The following TCF4 variants were observed in gnomAD, a reference collection of about 807,000 sequenced individuals.
TCF4 encodes SL3-3 enhancer factor 2.
Under a neutral mutation model 82.1 loss-of-function variants are expected in TCF4, and 3 were observed. The ratio of observed to expected loss-of-function variants is 0.04; its 90% CI spans 0.02 to 0.09. The LOEUF is 0.09. Among genes scored for constraint, TCF4 ranks in the 10% least tolerant of loss-of-function variants. The pLI, the probability that TCF4 is intolerant of heterozygous loss-of-function variation, is 1.00. For missense variants in TCF4, 518 were observed against 852.7 expected (o/e 0.61, Z 4.89); for synonymous variants, 276 against 309.6 (o/e 0.89, Z 1.14).
chr18:55,302,096 C>A (rs1024764801), intron 8 of TCF4, among the ~76,000 whole-genome samples: 7 of 152,228 alleles, frequency 4.6e-5, no homozygotes, highest in Non-Finnish European at 7.3e-5. Flanking sequence ...TGATCCTCAG[C>A]AGTCCTCTAT....
chr18:55,553,324 A>G (rs2097276138), intron 3 of TCF4: 1 of 152,182 alleles, frequency 6.6e-6, no homozygotes, highest in African/African-American at 2.4e-5. Flanking sequence ...ACTTGACAGA[A>G]AAGAAGGCAA....
At chr18:55,624,429 C>G (rs1225915877) in intron 2 of TCF4, among the ~76,000 whole-genome samples, 1 of 152,082 alleles carries the variant, frequency 6.6e-6, no homozygotes, top group Non-Finnish European at 1.5e-5. Flanking sequence ...TTCAAGTGTT[C>G]TGGAAGAGTA....
intron 8 of TCF4, among the ~76,000 whole-genome samples, chr18:55,332,666 T>C (rs1438503797): frequency 6.6e-6 from 1 of 152,238 alleles, no homozygotes; most frequent in Non-Finnish European, 1.5e-5. Flanking sequence ...TGGCCATTGC[T>C]GTCCACCTTC....
At chr18:55,510,781 A>C in intron 3 of TCF4, 1 of 1,243,246 alleles carries the variant, frequency 8.0e-7, no homozygotes, top group Non-Finnish European at 1.0e-6. Context: ...ATGACCGTAG[A>C]TTTTAATTTA....
At chr18:55,443,567 A>C (rs1422903053) in intron 5 of TCF4, among the ~76,000 whole-genome samples, 3 of 152,184 alleles carry the variant, frequency 2.0e-5, no homozygotes, top group Non-Finnish European at 4.4e-5. Context: ...TCTTTTCTCA[A>C]GAGACCCAAC....
chr18:55,300,124 A>AC (rs1033001868), intron 8 of TCF4, among the ~76,000 whole-genome samples: 28 of 149,808 alleles, frequency 1.9e-4, no homozygotes, highest in South Asian at 6.4e-4. Flanking sequence ...ACACACACAC[A>AC]CCCCACATTA....
At chr18:55,540,911 T>C (rs2097159871) in intron 3 of TCF4, among the ~76,000 whole-genome samples, 1 of 152,064 alleles carries the variant, frequency 6.6e-6, no homozygotes, top group South Asian at 2.1e-4. Flanking sequence ...CAAATTATTT[T>C]ATTTTAGAGA....
At chr18:55,260,048 A>G in intron 12 of TCF4, 21 bp from the exon 13 acceptor site, 1 of 1,547,588 alleles carries the variant, frequency 6.5e-7, no homozygotes, top group Non-Finnish European at 8.9e-7. Flanking sequence ...TAAGGAGAAA[A>G]AAAAAACACC....
intron 5 of TCF4, among the ~76,000 whole-genome samples, chr18:55,418,657 T>C (rs990421532): frequency 6.6e-6 from 1 of 152,194 alleles, no homozygotes; most frequent in Admixed American, 6.5e-5. Flanking sequence ...TGGTGGTTAA[T>C]TTATTTGCCT....
At chr18:55,401,082 C>CT (rs1230313364) in intron 6 of TCF4, 115 of 1,288,944 alleles carry the variant, frequency 8.9e-5, no homozygotes, top group Non-Finnish European at 1.1e-4. Flanking sequence ...TTGCCTTTCT[C>CT]TTTGGTTTGC....
chr18:55,399,831 CTCTCTCTCTCTCTCTCTCCCCA>C (rs962676792), intron 6 of TCF4, among the ~76,000 whole-genome samples: 1 of 147,000 alleles, frequency 6.8e-6, no homozygotes, highest in African/African-American at 2.5e-5. Flanking sequence ...AGCTTTCTTT[CTCTCTCTCTCTCTCTCTCCCCA>C]TCTCTCTCTC....
chr18:55,322,007 A>G (rs1381257355), intron 8 of TCF4: 5 of 1,215,916 alleles, frequency 4.1e-6, no homozygotes, highest in African/African-American at 3.1e-5. Flanking sequence ...GATCGATTCA[A>G]CTTTTCCGAG....
At chr18:55,350,843 C>T in intron 7 of TCF4, 31 bp downstream of exon 7, 2 of 1,612,618 alleles carry the variant, frequency 1.2e-6, no homozygotes, top group Non-Finnish European at 1.7e-6. Flanking sequence ...CATAATCATC[C>T]CTCAGGCATT....
chr18:55,391,697 C>T (rs9947144), intron 6 of TCF4, among the ~76,000 whole-genome samples: 1 of 151,736 alleles, frequency 6.6e-6, no homozygotes, highest in Non-Finnish European at 1.5e-5. Flanking sequence ...CTTTGGGAGG[C>T]CGAGGTGGGC....
intron 3 of TCF4, among the ~76,000 whole-genome samples, chr18:55,566,659 G>C (rs2097410193): frequency 1.3e-5 from 2 of 152,142 alleles, no homozygotes; most frequent in African/African-American, 4.8e-5. Flanking sequence ...TTGTAAACTG[G>C]AAGATGGGTC....
chr18:55,483,924 G>A lies in TCF4; in HGVS notation c.146-19787C>T, dbSNP rs72930756. ...CACCACACTAACAATAAATATCCTA[G>A]AGCAGTTTACTGCTTTCAATTTTTC... On this transcript the variant is annotated intron_variant, in intron 3 of 19. Transcript: ENST00000354452. Among the ~76,000 whole-genome samples the A allele has an allele frequency of 3.3e-3, 496 of 152,256 alleles. 6 individuals are homozygous for A. Among genetic ancestry groups the A allele is most frequent in the Non-Finnish European group, 2.4e-3 (160 of 68,008 alleles).
chr18:55,356,826 G>T (rs2083667532), intron 6 of TCF4, among the ~76,000 whole-genome samples: 1 of 152,114 alleles, frequency 6.6e-6, no homozygotes, highest in Admixed American at 6.6e-5. Context: ...CACTCCATAG[G>T]TTTGGTTGGA....
intron 3 of TCF4, among the ~76,000 whole-genome samples, chr18:55,568,591 T>C (rs1317383367): frequency 6.6e-6 from 1 of 151,922 alleles, no homozygotes; most frequent in Non-Finnish European, 1.5e-5. Flanking sequence ...GCTCTCACTC[T>C]CAATATTATT....
chr18:55,409,736 T>C (rs2094263097), intron 5 of TCF4, among the ~76,000 whole-genome samples: 1 of 152,180 alleles, frequency 6.6e-6, no homozygotes, highest in Non-Finnish European at 1.5e-5. Flanking sequence ...ATGAAAACAT[T>C]TTGACTATTT....
Sources: gnomAD v4.1 joint callset for allele counts (sites outside exome capture counted in the v4.1 genomes callset) on GRCh38, gnomAD v4.1.1 for gene constraint, MANE v1.5 for transcripts, NCBI Gene and HGNC (gene_info 2026-07-23, HGNC 2026-07-21) for gene names.